The following NRAP variants were observed in gnomAD, a reference collection of about 807,000 sequenced individuals.
NRAP encodes nebulin-related-anchoring protein.
In NRAP, 189 loss-of-function variants were observed where a neutral mutation model predicts 225.9. That is an observed-to-expected ratio of 0.84 (90% confidence interval 0.74 to 0.94). NRAP has a LOEUF of 0.94. Among genes scored for constraint, NRAP ranks in the 40% least tolerant of loss-of-function variants. The pLI is 0.00. For missense variants in NRAP, 2,176 were observed against 2,168.7 expected, an observed-to-expected ratio of 1.00 and a Z score of -0.07; for synonymous variants, 769 against 790.7, an observed-to-expected ratio of 0.97 and a Z score of 0.46.
At chr10:113,598,125 C>G in intron 35 of NRAP, 52 bp from the exon 36 acceptor site, 1 of 1,068,728 alleles carries the variant, frequency 9.4e-7, no homozygotes, top group South Asian at 1.2e-5. Context: ...AAGACTAGTA[C>G]AGCATTTCAA....
rs372879695 is a variant in NRAP at position 113,614,158 on chromosome 10, C to T, written c.3300+25G>A. ...CGTTGTCAGGTGGGGGCCCTGCAGC[C>T]GCTGATGCCTCTCCCCCCACTTACA... is the stretch of plus-strand genomic sequence containing the variant. On this transcript the variant is annotated intron_variant, in intron 29 of 41. Transcript: ENST00000359988. 436 of 1,503,584 alleles carry T rather than the reference C, an allele frequency of 2.9e-4. No individual in the cohort carries two copies. The African/African-American group carries it at 4.5e-3, about 15-fold the overall frequency. The allele number at this position is 1,503,584 out of a possible 1,614,324, so 93.1% of individuals were successfully genotyped here. A position where few individuals can be genotyped will look rare whatever the true frequency, so the allele number is the denominator to read the frequency against.
At chr10:113,595,499 A>C in intron 38 of NRAP, 124 bp downstream of exon 38, 1 of 633,690 alleles carries the variant, frequency 1.6e-6, no homozygotes, top group South Asian at 2.0e-5. Context: ...TTCTCAGTTC[A>C]GTGTCCTTTC....
intron 4 of NRAP, among the ~76,000 whole-genome samples, chr10:113,654,469 C>T (rs1431390504): frequency 6.8e-6 from 1 of 146,112 alleles, no homozygotes; most frequent in Non-Finnish European, 1.5e-5. Flanking sequence ...AAACCTACTA[C>T]CTGTTATGTG....
intron 34 of NRAP, 152 bp from the exon 35 acceptor site, chr10:113,605,072 A>G (rs540912589): frequency 5.5e-6 from 4 of 721,864 alleles, no homozygotes; most frequent in Non-Finnish European, 9.0e-6. Context: ...TGGGGGATGA[A>G]CAATTAAAAC....
At chr10:113,608,147 T>C (rs1211499165) in intron 32 of NRAP, among the ~76,000 whole-genome samples, 4 of 152,168 alleles carry the variant, frequency 2.6e-5, no homozygotes, top group Non-Finnish European at 5.9e-5. Context: ...AGATCTGAGG[T>C]TGTGCCTTGC....
At chr10:113,636,607 C>G (rs922570821) in intron 14 of NRAP, among the ~76,000 whole-genome samples, 1 of 152,154 alleles carries the variant, frequency 6.6e-6, no homozygotes, top group African/African-American at 2.4e-5. Flanking sequence ...ACAAATAGGG[C>G]GTACAGAAGC....
At chr10:113,660,769 T>G (rs1850625685) in intron 3 of NRAP, among the ~76,000 whole-genome samples, 1 of 152,214 alleles carries the variant, frequency 6.6e-6, no homozygotes, top group South Asian at 2.1e-4. Context: ...TATGGATATT[T>G]GAAAACATGA....
In NRAP at chr10:113,663,800, T is replaced by C. The variant is rs778863733; in HGVS notation, c.72+11A>G. The C allele has an allele frequency of 2.5e-5, 40 of 1,603,088 alleles. No individual in the cohort carries two copies. The highest frequency in any genetic ancestry group is 3.3e-5 in the Non-Finnish European group (39 of 1,170,316). On this transcript the variant is annotated intron_variant, in intron 1 of 41. Transcript: ENST00000359988. ...GTTATTATTCACAAAAGCCAAGAAA[T>C]GTCTACTGACCTGATCTATACAGCT...
intron 3 of NRAP, among the ~76,000 whole-genome samples, chr10:113,658,283 C>T (rs1850435590): frequency 6.6e-6 from 1 of 152,106 alleles, no homozygotes; most frequent in African/African-American, 2.4e-5. Flanking sequence ...GTCTTGAAAT[C>T]TGGTGAGTCC....
At chr10:113,640,589 T>A (rs1388261860) in intron 13 of NRAP, among the ~76,000 whole-genome samples, 1 of 152,204 alleles carries the variant, frequency 6.6e-6, no homozygotes, top group East Asian at 1.9e-4. Context: ...CTTGTCATTT[T>A]TGTTGAAAAG....
Position 113,610,363 on chromosome 10 carries a change from A to G in NRAP, c.3603+96T>C. The G allele has an allele frequency of 9.2e-6, 6 of 655,432 alleles. No individual in the cohort carries two copies. In the South Asian group the frequency reaches 1.1e-4, roughly 13 times the overall value. 40.6% of individuals were successfully genotyped at this position (655,432 alleles called of 1,614,324 possible). ...AGACTCCATCTCAAATTAAAAAAAA[A>G]AAAAAAAAAAGGAAGAAAGAAAAAG... On this transcript the variant is annotated intron_variant, in intron 31 of 41. Coordinates refer to ENST00000359988, the MANE Select transcript of NRAP (RefSeq NM_198060.4).
At position 113,597,178 on chromosome 10, in the gene NRAP, A is replaced by G. The variant is rs773791836; in HGVS notation, c.4339T>C (p.Tyr1447His). 3 of 1,603,416 alleles carry G rather than the reference A, an allele frequency of 1.9e-6. No individual in the cohort carries two copies. Among genetic ancestry groups the G allele is most frequent in the Non-Finnish European group, 2.6e-6 (3 of 1,170,154 alleles). Residue 1447 changes from tyrosine to histidine, a missense_variant, in exon 37 of 42, where the codon TAC becomes CAC. By Grantham distance (83) the Tyr-to-His change is moderately conservative. Coordinates refer to ENST00000359988, the MANE Select transcript of NRAP (RefSeq NM_198060.4). The part of the protein sequence containing the change: ...KAGELISETK[Y>H]RKKPDSIKFT... The stretch of plus-strand genomic sequence containing the variant: ...TTGATACTGTCTGGTTTTTTACGGT[A>G]CTTGGTCTATAAGATAAAGACAAAG...
intron 7 of NRAP, 52 bp from the exon 8 acceptor site, chr10:113,650,597 T>C (rs1344184401): frequency 1.7e-6 from 2 of 1,202,282 alleles, no homozygotes; most frequent in Non-Finnish European, 1.2e-6. Context: ...CAGATGATCT[T>C]AGTGAGATGC....
Position 113,595,718 on chromosome 10 carries a change from T to C in NRAP, c.4441A>G (p.Arg1481Gly), listed in dbSNP as rs1846249903. 7 of 1,608,188 alleles carry C rather than the reference T, an allele frequency of 4.4e-6. No individual in the cohort carries two copies. The highest frequency in any genetic ancestry group is 6.0e-6 in the Non-Finnish European group (7 of 1,174,596). Residue 1481 changes from arginine to glycine, a missense_variant, in exon 38 of 42, where the codon AGA becomes GGA. By Grantham distance (125) the Arg-to-Gly change is moderately radical. Coordinates refer to ENST00000359988, the MANE Select transcript of NRAP (RefSeq NM_198060.4). ...SYMHCNERMYRSGDAESLHRY... is the reference protein window; with the variant it reads ...SYMHCNERMYGSGDAESLHRY... Reference sequence around the variant, plus strand: ...TGCAGGGATTCTGCATCTCCAGATCTATACATGCGCTGTAGATAAGATGGG... The same window carrying C: ...TGCAGGGATTCTGCATCTCCAGATCCATACATGCGCTGTAGATAAGATGGG...
rs945280030 is a variant in NRAP, at chr10:113,608,578, G to C, written c.3604-66C>G. On this transcript the variant is annotated intron_variant, in intron 31 of 41. Coordinates refer to ENST00000359988, the MANE Select transcript of NRAP (RefSeq NM_198060.4). ...GGGATAAAAACCAGAAGCAGAACCA[G>C]TTCTTTAAGTATTAGCCATAAAGCC... 21 of 1,013,378 alleles carry C rather than the reference G, an allele frequency of 2.1e-5. No individual in the cohort carries two copies. In the South Asian group the frequency reaches 2.9e-4, roughly 14 times the overall value. 62.8% of individuals were successfully genotyped at this position (1,013,378 alleles called of 1,614,324 possible).
In NRAP at chr10:113,589,685, A is replaced by G; in HGVS notation, c.5069T>C (p.Leu1690Pro). The stretch of plus-strand genomic sequence containing the variant: ...ACTCACGTAAGCTCCCTGGAGACCC[A>G]GGCCCCTTGCGTTGGCCAGTTCCGC... Reference protein sequence around the residue: ...RAAELANARGLGLQGAYRGAE... With the variant: ...RAAELANARGPGLQGAYRGAE... The change falls in exon 41 of 42, where the codon CTG becomes CCG. Residue 1690 changes from leucine to proline, a missense_variant. Around this residue, in one of 3 missense-constraint regions of NRAP, gnomAD observed 445 missense variants for 426.1 expected, o/e 1.04. Transcript: ENST00000359988. 1 of 1,614,082 alleles carries G rather than the reference A, an allele frequency of 6.2e-7. No homozygotes were observed. The highest frequency in any genetic ancestry group is 8.5e-7 in the Non-Finnish European group (1 of 1,180,008).
At chr10:113,625,719 C>T (rs886723688) in intron 21 of NRAP, among the ~76,000 whole-genome samples, 74 of 152,196 alleles carry the variant, frequency 4.9e-4, no homozygotes, top group South Asian at 4.1e-4. Flanking sequence ...CAAGATAATT[C>T]TCTCCTGGCT....
rs1276610690 is a variant in NRAP, at chr10:113,645,906, G to A, written c.1029C>T (p.Gly343=). 2.5e-6 allele frequency: 4 copies of A among 1,599,376 alleles called. No homozygotes were observed. Among genetic ancestry groups the A allele is most frequent in the African/African-American group, 2.7e-5 (2 of 74,322 alleles). ...CTGGAAGCGAGTGATAATGTGCAGCGCCTTTCATCTTATTGAAGTCCTGCC... is the reference window on the plus strand; with the variant it reads ...CTGGAAGCGAGTGATAATGTGCAGCACCTTTCATCTTATTGAAGTCCTGCC... ...KYRQDFNKMK[G]AAHYHSLPAQ... Residue 343 remains glycine (G), a synonymous_variant, in exon 11 of 42, where the codon GGC becomes GGT. Coordinates refer to ENST00000359988, the MANE Select transcript of NRAP (RefSeq NM_198060.4).
In NRAP at chr10:113,663,914, G is replaced by A. The variant is rs759271599; in HGVS notation, c.-32C>T. 6.4e-7 allele frequency: 1 copy of A among 1,552,834 alleles called. No homozygotes were observed. Among genetic ancestry groups the A allele is most frequent in the Non-Finnish European group, 8.9e-7 (1 of 1,124,422 alleles). On this transcript the variant is annotated 5_prime_UTR_variant, in exon 1 of 42. Transcript: ENST00000359988. ...GCCGGAAGAGAGAGGACAAAGATAG[G>A]CAACAGGCAAGAAATGCAAGGAGAA... is the stretch of plus-strand genomic sequence containing the variant.
Sources: allele counts gnomAD v4.1 joint callset (sites outside exome capture counted in the v4.1 genomes callset), GRCh38; gene constraint gnomAD v4.1.1; regional missense constraint gnomAD v4.1.1; transcripts MANE v1.5; gene names NCBI Gene and HGNC (gene_info 2026-07-23, HGNC 2026-07-21).